Variants in CCDC187 observed in about 807,000 individuals in gnomAD.
CCDC187 encodes coiled-coil domain containing 187, also known as coiled-coil domain-containing protein 187.
A neutral mutation model predicts 38.0 loss-of-function variants in CCDC187; 32 were observed. The ratio of observed to expected loss-of-function variants is 0.84; its 90% CI spans 0.64 to 1.13. The LOEUF (loss-of-function observed/expected upper bound fraction) is 1.13, where lower values mean the gene tolerates loss of function less well. Among genes scored for constraint, CCDC187 ranks in the 50% most tolerant of loss-of-function variants. CCDC187 has a pLI of 0.00. For synonymous variants in CCDC187, 333 were observed against 347.9 expected, an observed-to-expected ratio of 0.96 and a Z score of 0.48; for missense variants, 707 against 786.8, an observed-to-expected ratio of 0.90 and a Z score of 1.21.
intron 4 of CCDC187, among the ~76,000 whole-genome samples, chr9:136,292,941 G>A (rs908431148): frequency 6.6e-6 from 1 of 152,206 alleles, no homozygotes; most frequent in Non-Finnish European, 1.5e-5. Flanking sequence ...ATGGCATCAT[G>A]CAGTGAGTGG....
intron 9 of CCDC187, among the ~76,000 whole-genome samples, chr9:136,285,089 C>G (rs944043891): frequency 1.3e-5 from 2 of 152,078 alleles, no homozygotes; most frequent in African/African-American, 4.8e-5. Flanking sequence ...GGCTGCAGCC[C>G]GTGCTGGGGA....
chr9:136,267,803 C>T (rs1244904957), intron 15 of CCDC187: 2 of 969,894 alleles, frequency 2.1e-6, no homozygotes, highest in South Asian at 4.8e-5. Flanking sequence ...ACAACCTGGG[C>T]GGGGGCTAAC....
intron 4 of CCDC187, among the ~76,000 whole-genome samples, chr9:136,293,059 T>A (rs1025686371): frequency 1.3e-5 from 2 of 152,222 alleles, no homozygotes; most frequent in Non-Finnish European, 2.9e-5. Context: ...AGGCCGGAGG[T>A]AGGGCCAGCC....
At chr9:136,268,870 T>C (rs1356100011) in intron 14 of CCDC187, among the ~76,000 whole-genome samples, 2 of 152,194 alleles carry the variant, frequency 1.3e-5, no homozygotes. Context: ...CACGGCTTAC[T>C]GCCTCAGAGA....
In CCDC187 at chr9:136,253,462, C is replaced by T. The variant is rs1564304105; in HGVS notation, c.*132G>A. ...GGGCACTGCCTGACCCCTCACACGACGAGTGCCCTGGCCAGCTGACAGGTT... is the reference window on the plus strand; with the variant it reads ...GGGCACTGCCTGACCCCTCACACGATGAGTGCCCTGGCCAGCTGACAGGTT... On this transcript the variant is annotated 3_prime_UTR_variant, in exon 26 of 26. Coordinates refer to ENST00000638797, the MANE Select transcript of CCDC187 (RefSeq NM_001378188.1). The T allele has an allele frequency of 2.9e-6, 1 of 343,658 alleles. No homozygotes were observed. The allele number at this position is 343,658 out of a possible 1,614,324, so 21.3% of individuals were successfully genotyped here.
At chr9:136,273,462 G>C (rs1400184142) in intron 14 of CCDC187, among the ~76,000 whole-genome samples, 3 of 152,204 alleles carry the variant, frequency 2.0e-5, no homozygotes, top group Non-Finnish European at 4.4e-5. Flanking sequence ...AGTTCATCAA[G>C]AGCACATAAT....
chr9:136,252,870 G>T lies in CCDC187; in HGVS notation c.*724C>A, dbSNP rs1367946165. On this transcript the variant is annotated 3_prime_UTR_variant, in exon 26 of 26. Transcript: ENST00000638797. ...GTCTCCAGGAGCGGCTTTCTGCCCAGTGAGCCCTCGGGCCTGGGTGGGTCC... is the reference window on the plus strand; with the variant it reads ...GTCTCCAGGAGCGGCTTTCTGCCCATTGAGCCCTCGGGCCTGGGTGGGTCC... 6.6e-6 allele frequency: 1 copy of T among 152,302 alleles called. No individual in the cohort carries two copies. The highest frequency in any genetic ancestry group is 1.5e-5 in the Non-Finnish European group (1 of 68,118). 9.4% of individuals were successfully genotyped at this position (152,302 alleles called of 1,614,324 possible). A position where few individuals can be genotyped will look rare whatever the true frequency, so the allele number is the denominator to read the frequency against.
chr9:136,301,688 G>A lies in CCDC187; in HGVS notation c.625+1124C>T, dbSNP rs1330187610. Among the ~76,000 whole-genome samples the A allele has an allele frequency of 2.0e-5, 3 of 147,418 alleles. No individual in the cohort carries two copies. In the East Asian group the frequency reaches 6.1e-4, roughly 30 times the overall value. ...TGCAAGCTCCGCCTCCTGGATTCAC[G>A]CCATTCTCCTGCCTCAGCCTCCTGA... is the stretch of plus-strand genomic sequence containing the variant. On this transcript the variant is annotated intron_variant, in intron 2 of 25. Transcript: ENST00000638797.
At chr9:136,263,302 C>T (rs949561263) in intron 18 of CCDC187, among the ~76,000 whole-genome samples, 6 of 146,722 alleles carry the variant, frequency 4.1e-5, no homozygotes, top group Non-Finnish European at 7.4e-5. Flanking sequence ...TGGCATATCT[C>T]GGCTCACTGC....
At chr9:136,299,200 G>C (rs1223271515) in intron 3 of CCDC187, among the ~76,000 whole-genome samples, 1 of 152,168 alleles carries the variant, frequency 6.6e-6, no homozygotes, top group African/African-American at 2.4e-5. Context: ...CCCGGCAACT[G>C]TGGGGTCAGG....
At position 136,257,114 on chromosome 9, in the gene CCDC187, C is replaced by A. The variant is rs1410112373; in HGVS notation, c.4367-273G>T. Among the ~76,000 whole-genome samples the A allele has an allele frequency of 1.3e-5, 2 of 152,198 alleles. No individual in the cohort carries two copies. The highest frequency in any genetic ancestry group is 1.3e-4 in the Admixed American group (2 of 15,288). ...GGCCGGCTGGGCGCAGTGGCTCACG[C>A]CTATAATCCCAGCACTCTGGGAGGC... On this transcript the variant is annotated intron_variant, in intron 22 of 25. Transcript: ENST00000638797. This position sits in a 1 kb window ranked among gnomAD's most constrained non-coding sequence, Gnocchi z 4.5.
At chr9:136,300,470 A>G (rs1360630646) in intron 2 of CCDC187, among the ~76,000 whole-genome samples, 152 bp from the exon 3 acceptor site, 6 of 152,284 alleles carry the variant, frequency 3.9e-5, no homozygotes, top group African/African-American at 1.2e-4. Context: ...CTGGAGTGCA[A>G]TGGCGCAATC....
At chr9:136,255,820 C>G in intron 24 of CCDC187, 87 bp from the exon 25 acceptor site, 2 of 638,078 alleles carry the variant, frequency 3.1e-6, no homozygotes, top group Non-Finnish European at 3.9e-6. Context: ...CCCCACCAGG[C>G]TCAGTCCACA....
rs1554761793 is a variant in CCDC187, at chr9:136,267,313, TACAGCAGGGC to T, written c.3647+61_3647+70del. ...GGACGGGGCAGGGAGGGGGCGGGGCTACAGCAGGGCGGGGCTACAGCAGGGCGGGGCTACG... is the reference window on the plus strand; with the variant it reads ...GGACGGGGCAGGGAGGGGGCGGGGCTGGGGCTACAGCAGGGCGGGGCTACG... On this transcript the variant is annotated intron_variant, in intron 16 of 25. Transcript: ENST00000638797. The T allele has an allele frequency of 5.7e-5, 48 of 842,906 alleles. No individual in the cohort carries two copies. In the East Asian group the frequency reaches 7.5e-3, roughly 131 times the overall value. The allele number at this position is 842,906 out of a possible 1,614,324, so 52.2% of individuals were successfully genotyped here. A position where few individuals can be genotyped will look rare whatever the true frequency, so the allele number is the denominator to read the frequency against.
intron 21 of CCDC187, 149 bp downstream of exon 21, chr9:136,259,214 C>T (rs181419276): frequency 8.5e-4 from 266 of 312,574 alleles, no homozygotes; most frequent in African/African-American, 5.7e-3. Context: ...GGGGCCCCAA[C>T]CAAGATGAAG....
chr9:136,253,650 C>T lies in CCDC187; in HGVS notation c.6178G>A (p.Glu2060Lys), dbSNP rs998898694. Reference protein sequence around the residue: ...TTQDLSSLSEESLPEGLFPGP... With the variant: ...TTQDLSSLSEKSLPEGLFPGP... ...GGAAACAGTCCCTCCGGCAGACTCTCCTCAGACAAGGAGGACAAATCCTGG... is the reference window on the plus strand; with the variant it reads ...GGAAACAGTCCCTCCGGCAGACTCTTCTCAGACAAGGAGGACAAATCCTGG... Residue 2060 changes from glutamate (E) to lysine (K), a missense_variant, in exon 26 of 26, where the codon GAG (glutamate) becomes AAG (lysine). Coordinates refer to ENST00000638797, the MANE Select transcript of CCDC187 (RefSeq NM_001378188.1). The T allele has an allele frequency of 4.1e-6, 4 of 985,462 alleles. No individual in the cohort carries two copies. Among genetic ancestry groups the T allele is most frequent in the Non-Finnish European group, 4.8e-6 (4 of 830,010 alleles). 61.0% of individuals were successfully genotyped at this position (985,462 alleles called of 1,614,324 possible).
chr9:136,273,353 G>A (rs1830871999), intron 14 of CCDC187, among the ~76,000 whole-genome samples: 1 of 152,202 alleles, frequency 6.6e-6, no homozygotes, highest in Admixed American at 6.5e-5. Flanking sequence ...ACCCGTTGAA[G>A]GAGAGCCGGA....
chr9:136,270,679 G>A (rs1422639564), intron 14 of CCDC187, among the ~76,000 whole-genome samples: 3 of 152,178 alleles, frequency 2.0e-5, no homozygotes, highest in African/African-American at 7.2e-5. Flanking sequence ...AGCTGGTGGA[G>A]CAGAGCGTTC....
At position 136,264,121 on chromosome 9, in the gene CCDC187, C is replaced by T. The variant is rs1473648471; in HGVS notation, c.3736-323G>A. 2.6e-5 allele frequency: 4 copies of T among 152,576 alleles called. No homozygotes were observed. Among genetic ancestry groups the T allele is most frequent in the African/African-American group, 4.8e-5 (2 of 41,482 alleles). 9.5% of individuals were successfully genotyped at this position (152,576 alleles called of 1,614,324 possible). On this transcript the variant is annotated intron_variant, in intron 17 of 25. Transcript: ENST00000638797. The surrounding 1 kb of genome is among the most constrained non-coding windows in gnomAD (Gnocchi z 4.3). ...CAGGCTCCAGGCACTGCCCCCACCC[C>T]GTCACTCCTTTACAACTGTTCTTTC... is the stretch of plus-strand genomic sequence containing the variant.
Sources: allele counts gnomAD v4.1 joint callset (sites outside exome capture counted in the v4.1 genomes callset), GRCh38; gene constraint gnomAD v4.1.1; non-coding constraint Gnocchi (gnomAD v3.1); transcripts MANE v1.5; gene names NCBI Gene and HGNC (gene_info 2026-07-23, HGNC 2026-07-21).